The following DIAPH3 variants were observed in gnomAD, a reference collection of about 807,000 sequenced individuals.
DIAPH3 encodes the protein protein diaphanous homolog 3.
DIAPH3 carries 117 observed loss-of-function variants against 144.3 expected under a neutral mutation model. The ratio of observed to expected loss-of-function variants is 0.81; its 90% confidence interval spans 0.70 to 0.95. DIAPH3 has a LOEUF of 0.95. DIAPH3 is among the 40% of genes least tolerant of loss of function. DIAPH3 has a pLI of 0.00. For synonymous variants in DIAPH3, 519 were observed against 488.9 expected (o/e 1.06, Z -0.81); for missense variants, 1,421 against 1,412.7 (o/e 1.01, Z -0.09).
intron 22 of DIAPH3, among the ~76,000 whole-genome samples, chr13:59,853,080 G>A (rs536247861): frequency 7.9e-5 from 12 of 152,022 alleles, no homozygotes; most frequent in Non-Finnish European, 1.5e-4. Flanking sequence ...GTAGGAAAAG[G>A]GAAGCTCAGA....
chr13:59,783,105 C>CA (rs939566468), intron 25 of DIAPH3, among the ~76,000 whole-genome samples: 2 of 151,510 alleles, frequency 1.3e-5, no homozygotes, highest in African/African-American at 2.4e-5. Context: ...AGACTAAAGG[C>CA]AAAAAACAAA....
At chr13:59,788,788 C>T (rs1289597701) in intron 25 of DIAPH3, among the ~76,000 whole-genome samples, 1 of 152,080 alleles carries the variant, frequency 6.6e-6, no homozygotes, top group African/African-American at 2.4e-5. Context: ...GAATGAAGAC[C>T]TTTCTATGAC....
intron 21 of DIAPH3, among the ~76,000 whole-genome samples, chr13:59,868,335 T>A (rs75864402): frequency 1.9e-3 from 292 of 152,254 alleles, no homozygotes; most frequent in African/African-American, 6.4e-3. Flanking sequence ...CATGTTTAGA[T>A]TGTTTATACA....
At chr13:59,746,348 C>T (rs9528033) in intron 27 of DIAPH3, among the ~76,000 whole-genome samples, 52,153 of 151,624 alleles carry the variant, frequency 0.34, 9,421 homozygotes, top group African/African-American at 0.44. Context: ...CTCAGCCTCC[C>T]GAGTAGCTGA....
chr13:59,877,480 C>T (rs2044705468), intron 21 of DIAPH3, among the ~76,000 whole-genome samples: 1 of 152,084 alleles, frequency 6.6e-6, no homozygotes, highest in South Asian at 2.1e-4. Flanking sequence ...ATGCTGCCAA[C>T]GGGTATGGAC....
intron 20 of DIAPH3, among the ~76,000 whole-genome samples, chr13:59,894,169 C>T (rs1181640115): frequency 6.6e-6 from 1 of 151,748 alleles, no homozygotes; most frequent in Admixed American, 6.6e-5. Context: ...TAAAGTATAC[C>T]CGTTGCTATT....
At chr13:59,778,837 C>T (rs1566296611) in intron 25 of DIAPH3, among the ~76,000 whole-genome samples, 1 of 152,226 alleles carries the variant, frequency 6.6e-6, no homozygotes, top group African/African-American at 2.4e-5. Context: ...AGTCCTACAG[C>T]AGAAATGATC....
chr13:60,028,405 C>A (rs1167575143), intron 5 of DIAPH3, among the ~76,000 whole-genome samples: 5 of 152,084 alleles, frequency 3.3e-5, no homozygotes, highest in African/African-American at 1.2e-4. Flanking sequence ...TAGCAGCACG[C>A]TATGCAGTTT....
chr13:59,936,891 C>T (rs1466135199), intron 17 of DIAPH3, among the ~76,000 whole-genome samples: 9 of 152,026 alleles, frequency 5.9e-5, no homozygotes, highest in African/African-American at 2.2e-4. Flanking sequence ...CAGCTGGGCA[C>T]GGTGGCTCAC....
chr13:59,916,774 A>G (rs145349426), intron 18 of DIAPH3, among the ~76,000 whole-genome samples: 1 of 152,168 alleles, frequency 6.6e-6, no homozygotes, highest in Non-Finnish European at 1.5e-5. Context: ...GAAACATTGT[A>G]AACAGTATGC....
intron 25 of DIAPH3, among the ~76,000 whole-genome samples, chr13:59,789,413 ATTTG>A (rs2039214006): frequency 6.6e-6 from 1 of 150,922 alleles, no homozygotes; most frequent in South Asian, 2.2e-4. Flanking sequence ...TTTGTTTTAG[ATTTG>A]TTTTAGTATT....
intron 14 of DIAPH3, among the ~76,000 whole-genome samples, chr13:59,977,992 T>C (rs1435071654): frequency 6.6e-6 from 1 of 151,740 alleles, no homozygotes; most frequent in Non-Finnish European, 1.5e-5. Flanking sequence ...AGATTAGACA[T>C]CACTTCCTTG....
chr13:59,789,212 A>G (rs753447345), intron 25 of DIAPH3, among the ~76,000 whole-genome samples: 3 of 152,174 alleles, frequency 2.0e-5, no homozygotes, highest in African/African-American at 4.8e-5. Flanking sequence ...TGACTATCAC[A>G]CAGAGCGAAC....
intron 9 of DIAPH3, among the ~76,000 whole-genome samples, chr13:59,997,396 A>C (rs557667747): frequency 6.6e-6 from 1 of 152,184 alleles, no homozygotes; most frequent in South Asian, 2.1e-4. Flanking sequence ...TTTATGGCTG[A>C]ATAGTATTCC....
chr13:59,695,780 A>G (rs2033768557), intron 27 of DIAPH3, among the ~76,000 whole-genome samples: 2 of 152,238 alleles, frequency 1.3e-5, no homozygotes, highest in Non-Finnish European at 2.9e-5. Flanking sequence ...CAACAAAAAA[A>G]TTAAGTACTA....
chr13:60,102,199 GC>G (rs917073830), intron 3 of DIAPH3, among the ~76,000 whole-genome samples: 249 of 152,106 alleles, frequency 1.6e-3, no homozygotes, highest in African/African-American at 5.8e-3. Flanking sequence ...TCAAGAAAGG[GC>G]ATTACACATC....
At chr13:59,744,389 A>G (rs541422285) in intron 27 of DIAPH3, among the ~76,000 whole-genome samples, 7 of 152,334 alleles carry the variant, frequency 4.6e-5, no homozygotes, top group Middle Eastern at 3.4e-3. Flanking sequence ...TCAACGATGA[A>G]GAAGATGGTC....
intron 23 of DIAPH3, among the ~76,000 whole-genome samples, chr13:59,834,644 T>A (rs1332293488): frequency 1.3e-5 from 2 of 151,724 alleles, no homozygotes; most frequent in Non-Finnish European, 3.0e-5. Context: ...ATTCTAATTC[T>A]TCATCATCAT....
In DIAPH3 at chr13:59,911,874, T is replaced by G. The variant is rs568190592; in HGVS notation, c.2266-38A>C. 9 of 1,367,770 alleles carry G rather than the reference T, an allele frequency of 6.6e-6. No individual in the cohort carries two copies. In the African/African-American group the frequency reaches 1.3e-4, roughly 20 times the overall value. The allele number at this position is 1,367,770 out of a possible 1,614,324, so 84.7% of individuals were successfully genotyped here. ...ACCAGAAAGAAAGATCTTCACTAAA[T>G]GTACTTCTTGAATTTTAAAAATATA... On this transcript the variant is annotated intron_variant, in intron 19 of 27. Coordinates refer to ENST00000400324, the MANE Select transcript of DIAPH3 (RefSeq NM_001042517.2).
Sources: allele counts gnomAD v4.1 joint callset (sites outside exome capture counted in the v4.1 genomes callset), GRCh38; gene constraint gnomAD v4.1.1; transcripts MANE v1.5; gene names NCBI Gene and HGNC (gene_info 2026-07-23, HGNC 2026-07-21).